The following IFT74 variants were observed in gnomAD, a reference collection of about 807,000 sequenced individuals.
The protein encoded by IFT74 is intraflagellar transport 74.
Under a neutral mutation model 96.7 loss-of-function variants are expected in IFT74, and 92 were observed. The observed-to-expected ratio is 0.95, with a 90% confidence interval of 0.80 to 1.13. The LOEUF (loss-of-function observed/expected upper bound fraction) is 1.13, where lower values mean the gene tolerates loss of function less well. IFT74 is among the 50% of genes most tolerant of loss of function. The pLI, the probability that IFT74 is intolerant of heterozygous loss-of-function variation, is 0.00. For missense variants in IFT74, 811 were observed against 698.2 expected (o/e 1.16, Z -1.82); for synonymous variants, 223 against 213.2 (o/e 1.05, Z -0.40).
chr9:26,973,362 A>G (rs11562224), intron 2 of IFT74, among the ~76,000 whole-genome samples: 15,535 of 151,944 alleles, frequency 0.1, 1,818 homozygotes, highest in East Asian at 0.65. Context: ...CTTTAATGAG[A>G]CTCTCAATTA....
At chr9:27,056,571 T>C in intron 18 of IFT74, 112 bp downstream of exon 18, 1 of 851,200 alleles carries the variant, frequency 1.2e-6, no homozygotes, top group Non-Finnish European at 1.8e-6. Context: ...TTTTCTGACT[T>C]TTAAGACAGC....
chr9:27,052,188 A>G (rs1718884100), intron 16 of IFT74, among the ~76,000 whole-genome samples: 1 of 152,172 alleles, frequency 6.6e-6, no homozygotes, highest in Non-Finnish European at 1.5e-5. Flanking sequence ...CGTACTTTAT[A>G]CTTTGTGTTT....
intron 13 of IFT74, among the ~76,000 whole-genome samples, chr9:27,035,841 G>A (rs1315907699): frequency 6.6e-6 from 1 of 152,120 alleles, no homozygotes; most frequent in East Asian, 1.9e-4. Context: ...ATCTGATCTT[G>A]TTTGCATACC....
rs972746064 is a variant in IFT74 at position 27,063,953 on chromosome 9, A to G, written c.*1217A>G. On this transcript the variant is annotated 3_prime_UTR_variant, in exon 20 of 20. Coordinates refer to ENST00000380062, the MANE Select transcript of IFT74 (RefSeq NM_025103.4). ...ATCCTGAGCATCTTGAGTTATTAAT[A>G]GTGTTATGCCTCCAAAGGATTCATG... Among the ~76,000 whole-genome samples, 4 of 152,144 alleles carry G rather than the reference A, an allele frequency of 2.6e-5. No individual in the cohort carries two copies. Among genetic ancestry groups the G allele is most frequent in the South Asian group, 2.1e-4 (1 of 4,834 alleles).
At chr9:27,036,310 C>T (rs1453084904) in intron 13 of IFT74, 10 of 1,222,334 alleles carry the variant, frequency 8.2e-6, no homozygotes, top group Non-Finnish European at 9.9e-6. Flanking sequence ...ACTGTATTTC[C>T]CAGAGAATGT....
intron 19 of IFT74, among the ~76,000 whole-genome samples, chr9:27,061,703 A>AT (rs1291795516): frequency 0.01 from 1,482 of 147,216 alleles, 24 homozygotes; most frequent in African/African-American, 0.036. Context: ...ATATGTACAT[A>AT]ATATATAATA....
intron 16 of IFT74, among the ~76,000 whole-genome samples, chr9:27,054,552 A>G (rs2131700588): frequency 6.6e-6 from 1 of 152,314 alleles, no homozygotes; most frequent in Admixed American, 6.5e-5. Flanking sequence ...ATATTTTTGA[A>G]TGGAAGAATG....
At chr9:26,960,019 A>G (rs1307688030) in intron 1 of IFT74, among the ~76,000 whole-genome samples, 1 of 152,196 alleles carries the variant, frequency 6.6e-6, no homozygotes, top group Non-Finnish European at 1.5e-5. Flanking sequence ...CTCATGAGAC[A>G]CTAATTTCTT....
At chr9:27,012,708 GTTT>G (rs772920018) in intron 10 of IFT74, among the ~76,000 whole-genome samples, 1 of 53,862 alleles carries the variant, frequency 1.9e-5, no homozygotes, top group East Asian at 6.3e-4. Context: ...AAAAATGTCT[GTTT>G]TTTTTTTTTT....
At chr9:27,062,587 C>A in intron 19 of IFT74, 31 bp from the exon 20 acceptor site, 1 of 1,165,206 alleles carries the variant, frequency 8.6e-7, no homozygotes, top group Non-Finnish European at 1.3e-6. Flanking sequence ...TTTTTATTGA[C>A]ATTGTTTTCC....
chr9:27,046,609 A>G (rs1183529307), intron 14 of IFT74, among the ~76,000 whole-genome samples: 1 of 152,214 alleles, frequency 6.6e-6, no homozygotes, highest in Non-Finnish European at 1.5e-5. Context: ...ACTTATTTTC[A>G]GATAAAATGG....
chr9:27,004,453 C>T (rs1020956260), intron 8 of IFT74, among the ~76,000 whole-genome samples: 3 of 152,084 alleles, frequency 2.0e-5, no homozygotes, highest in Admixed American at 1.3e-4. Context: ...ATTTGTGTGC[C>T]TTTTCAGAGG....
intron 8 of IFT74, among the ~76,000 whole-genome samples, chr9:27,001,347 T>G (rs1278113804): frequency 6.6e-6 from 1 of 152,172 alleles, no homozygotes; most frequent in East Asian, 1.9e-4. Context: ...CAAATGTAAA[T>G]GTAAGTGTTA....
At chr9:27,021,451 C>A (rs942034715) in intron 12 of IFT74, among the ~76,000 whole-genome samples, 2 of 152,164 alleles carry the variant, frequency 1.3e-5, no homozygotes, top group Non-Finnish European at 2.9e-5. Context: ...TTTCCACAAG[C>A]AGTGTAAAAG....
At chr9:26,987,363 T>C (rs1827685605) in intron 6 of IFT74, among the ~76,000 whole-genome samples, 1 of 152,176 alleles carries the variant, frequency 6.6e-6, no homozygotes, top group Non-Finnish European at 1.5e-5. Flanking sequence ...GTGTGGGGAT[T>C]GCAGGCATGA....
chr9:27,028,645 A>G (rs1008915396), intron 12 of IFT74, among the ~76,000 whole-genome samples: 3 of 151,934 alleles, frequency 2.0e-5, no homozygotes, highest in African/African-American at 7.3e-5. Flanking sequence ...AGTCCCAGCT[A>G]TTCGGGAGGC....
chr9:26,996,461 G>T, intron 8 of IFT74: 1 of 1,540,710 alleles, frequency 6.5e-7, no homozygotes, highest in Non-Finnish European at 8.8e-7. Flanking sequence ...TAGCTCTGCA[G>T]GCTGTTGGGG....
intron 16 of IFT74, among the ~76,000 whole-genome samples, chr9:27,052,111 A>G (rs1819945878): frequency 2.0e-5 from 3 of 152,220 alleles, no homozygotes; most frequent in African/African-American, 7.2e-5. Context: ...CAAGAAATGT[A>G]CATTTTTTAA....
rs185075685 is a variant in IFT74 at position 27,051,080 on chromosome 9, T to A, written c.1333+2806T>A. Among the ~76,000 whole-genome samples, 241 of 152,298 alleles carry A rather than the reference T, an allele frequency of 1.6e-3. 2 individuals are homozygous for A. Among genetic ancestry groups the A allele is most frequent in the African/African-American group, 5.7e-3 (236 of 41,566 alleles). The stretch of plus-strand genomic sequence containing the variant: ...GCTATAGAAATATTCGTGTACTTGA[T>A]GACAAGGTATTCCCTCAGACTTTGC... On this transcript the variant is annotated intron_variant, in intron 16 of 19. Coordinates refer to ENST00000380062, the MANE Select transcript of IFT74 (RefSeq NM_025103.4).
Sources: allele counts gnomAD v4.1 joint callset (sites outside exome capture counted in the v4.1 genomes callset), GRCh38; gene constraint gnomAD v4.1.1; transcripts MANE v1.5; gene names NCBI Gene and HGNC (gene_info 2026-07-23, HGNC 2026-07-21).